TTN: variants seen among roughly 807,000 people sequenced by gnomAD.
TTN encodes connectin.
In TTN, 1,525 loss-of-function variants were observed where a neutral mutation model predicts 3,223.0. The ratio of observed to expected loss-of-function variants is 0.47; its 90% CI spans 0.45 to 0.49. The LOEUF (loss-of-function observed/expected upper bound fraction) is 0.49, where lower values mean the gene tolerates loss of function less well. TTN is among the 20% of genes least tolerant of loss of function. The pLI, the probability that TTN is intolerant of heterozygous loss-of-function variation, is 0.00. For synonymous variants in TTN, 14,094 were observed against 15,161.0 expected (o/e 0.93, Z 5.17); for missense variants, 40,786 against 43,424.0 (o/e 0.94, Z 5.40).
chr2:178,622,065 CT>C, intron 243 of TTN, 57 bp from the exon 244 acceptor site: 1 of 1,489,324 alleles, frequency 6.7e-7, no homozygotes. Context: ...CACAGGTGTC[CT>C]TAAGAAAAAC....
intron 307 of TTN, 136 bp from the exon 308 acceptor site, chr2:178,586,943 A>G: frequency 2.2e-6 from 3 of 1,360,204 alleles, no homozygotes; most frequent in Non-Finnish European, 3.0e-6. Flanking sequence ...AAAGCAAAAC[A>G]TATAAGATGA....
Position 178,589,475 on chromosome 2 carries a change from C to T in TTN, c.62250G>A (p.Gly20750=), listed in dbSNP as rs1202900807. ...EFRVQTKNEG[G]ESDWVKTEEV... is the part of the protein sequence containing the mutation. ...CCTCTGTCTTCACCCAGTCACTTTC[C>T]CCACCTTCATTCTTTGTTTGCACTC... The change falls in exon 304 of 363, where the codon GGG becomes GGA. Residue 20750 remains glycine, a synonymous_variant. Coordinates refer to ENST00000589042, the MANE Select transcript of TTN (RefSeq NM_001267550.2). 1.9e-6 allele frequency: 3 copies of T among 1,613,348 alleles called. No individual in the cohort carries two copies. The highest frequency in any genetic ancestry group is 2.5e-6 in the Non-Finnish European group (3 of 1,179,636).
chr2:178,629,596 C>T (rs1471561023), intron 239 of TTN, among the ~76,000 whole-genome samples, 153 bp from the exon 240 acceptor site: 1 of 152,144 alleles, frequency 6.6e-6, no homozygotes, highest in African/African-American at 2.4e-5. Context: ...GGCCCCACGG[C>T]GCTGAGAAGG....
intron 216 of TTN, 25 bp from the exon 217 acceptor site, chr2:178,646,055 T>A: frequency 1.5e-6 from 2 of 1,365,886 alleles, no homozygotes; most frequent in Non-Finnish European, 1.9e-6. Flanking sequence ...TCAGAGGTGT[T>A]AGTATATGTA....
At position 178,719,965 on chromosome 2, in the gene TTN, C is replaced by A; in HGVS notation, c.23659+18G>T. On this transcript the variant is annotated intron_variant, in intron 81 of 362. Transcript: ENST00000589042. ...TCAAGTAAATTGATTTTTTCTCTGG[C>A]TGTGCTTTGCTACTAACCTAGTACA... 6.4e-7 allele frequency: 1 copy of A among 1,569,060 alleles called. No individual in the cohort carries two copies. The highest frequency in any genetic ancestry group is 1.9e-5 in the Admixed American group (1 of 53,992).
At chr2:178,646,454 A>G in intron 216 of TTN, 31 bp downstream of exon 216, 3 of 1,428,082 alleles carry the variant, frequency 2.1e-6, no homozygotes, top group South Asian at 2.5e-5. Flanking sequence ...AGAATATGAT[A>G]AAGAAGATTT....
Position 178,566,459 on chromosome 2 carries a change from T to G in TTN, c.79673A>C (p.Glu26558Ala). 2.5e-6 allele frequency: 4 copies of G among 1,613,528 alleles called. No individual in the cohort carries two copies. The highest frequency in any genetic ancestry group is 3.4e-6 in the Non-Finnish European group (4 of 1,179,698). ...FEISKLTEHQ[E>A]YKIRVCALNK... ...GAGGGCACAGACTCGTATTTTATAC[T>G]CTTGGTGTTCAGTGAGTTTTGAAAT... The change falls in exon 326 of 363, where the codon GAG becomes GCG. Residue 26558 changes from glutamate (E) to alanine (A), a missense_variant. Physicochemically the swap from Glu to Ala is moderately radical, Grantham distance 107. Transcript: ENST00000589042.
At chr2:178,586,943 A>T in intron 307 of TTN, 136 bp from the exon 308 acceptor site, 1 of 1,360,204 alleles carries the variant, frequency 7.4e-7, no homozygotes, top group Admixed American at 2.3e-5. Flanking sequence ...AAAGCAAAAC[A>T]TATAAGATGA....
chr2:178,715,542 G>A lies in TTN; in HGVS notation c.25872C>T (p.Ala8624=). Residue 8624 remains alanine (A), a synonymous_variant, in exon 89 of 363, where the codon GCC becomes GCT. Transcript: ENST00000589042. ...VEDSGDYTCE[A]HNAAGSASSS... is the part of the protein sequence containing the mutation. ...TGCTGGCACTGCCTGCTGCATTGTG[G>A]GCCTCACAGGTGTAGTCTCCACTGT... 1 of 1,613,326 alleles carries A rather than the reference G, an allele frequency of 6.2e-7. No individual in the cohort carries two copies. The highest frequency in any genetic ancestry group is 8.5e-7 in the Non-Finnish European group (1 of 1,179,552).
chr2:178,680,546 G>A (rs1168398791), intron 138 of TTN, among the ~76,000 whole-genome samples: 1 of 151,960 alleles, frequency 6.6e-6, no homozygotes, highest in Non-Finnish European at 1.5e-5. Flanking sequence ...TAAACATGAA[G>A]TAGCAGAGCC....
chr2:178,613,297 A>G lies in TTN; in HGVS notation c.49533-21T>C, dbSNP rs772912604. 13 of 1,550,350 alleles carry G rather than the reference A, an allele frequency of 8.4e-6. No homozygotes were observed. In the East Asian group the frequency reaches 3.0e-4, roughly 35 times the overall value. ...TCACTCTGAATTAGGAACAAAGTGC[A>G]TGTGTATCATCATGGTAAGAAGCAG... On this transcript the variant is annotated intron_variant, in intron 263 of 362. Coordinates refer to ENST00000589042, the MANE Select transcript of TTN (RefSeq NM_001267550.2).
rs786205314 is a variant in TTN, at chr2:178,723,594, T to A, written c.21506A>T (p.Asn7169Ile). The change falls in exon 74 of 363, where the codon AAC becomes ATC. Residue 7169 changes from asparagine to isoleucine, a missense_variant. Asn to Ile is a moderately radical substitution (Grantham distance 149). Coordinates refer to ENST00000589042, the MANE Select transcript of TTN (RefSeq NM_001267550.2). ...TAGTTCTCTGGCACCTCTGAACCAG[T>A]TGACTTTGAATGGAGGGGTTCCTCT... ...VIRGTPPFKVNWFRGARELVK... is the reference protein window; with the variant it reads ...VIRGTPPFKVIWFRGARELVK... 1 of 1,613,162 alleles carries A rather than the reference T, an allele frequency of 6.2e-7. No individual in the cohort carries two copies. The highest frequency in any genetic ancestry group is 8.5e-7 in the Non-Finnish European group (1 of 1,179,558).
chr2:178,545,626 C>T lies in TTN; in HGVS notation c.95484G>A (p.Trp31828Ter). ...GTGKEHIIIQ[W>*]TKPESDGGNE... ...TGCCACCATCAGATTCAGGTTTTGTCCACTGAATGATGATATGCTCTTTGC... is the reference window on the plus strand; with the variant it reads ...TGCCACCATCAGATTCAGGTTTTGTTCACTGAATGATGATATGCTCTTTGC... The change falls in exon 344 of 363, where the codon TGG becomes TGA. Residue 31828 changes from tryptophan (W) to a stop codon, truncating the protein, a stop_gained. Transcript: ENST00000589042. LOFTEE classifies it high-confidence loss of function. 1 of 1,613,736 alleles carries T rather than the reference C, an allele frequency of 6.2e-7. No individual in the cohort carries two copies. Among genetic ancestry groups the T allele is most frequent in the Non-Finnish European group, 8.5e-7 (1 of 1,179,716 alleles).
Position 178,579,308 on chromosome 2 carries a change from T to C in TTN, c.67722A>G (p.Ile22574Met). ...AGACTGATGGAGCTGGCTTGCCTTT[T>C]ATGGGGATCTTAAGCCGGAAGTTGC... Reference protein sequence around the residue: ...ENSNFRLKIPIKGKPAPSVSW... With the variant: ...ENSNFRLKIPMKGKPAPSVSW... The change falls in exon 320 of 363, where the codon ATA becomes ATG. Residue 22574 changes from isoleucine to methionine, a missense_variant. Physicochemically the swap from Ile to Met is conservative, Grantham distance 10 (BLOSUM62 1). Transcript: ENST00000589042. 1 of 1,611,036 alleles carries C rather than the reference T, an allele frequency of 6.2e-7. No individual in the cohort carries two copies. Among genetic ancestry groups the C allele is most frequent in the Non-Finnish European group, 8.5e-7 (1 of 1,178,080 alleles).
rs189626540 is a variant in TTN, at chr2:178,536,350, C to A, written c.100397G>T (p.Arg33466Leu). 7 of 1,613,610 alleles carry A rather than the reference C, an allele frequency of 4.3e-6. No individual in the cohort carries two copies. The highest frequency in any genetic ancestry group is 1.7e-5 in the Admixed American group (1 of 59,986). ...NLIEGLEYEF[R>L]VKCENLGGES... is the part of the protein sequence containing the mutation. ...CCCACCTAGATTTTCACATTTCACA[C>A]GAAACTCGTATTCAAGACCTTCAAT... The change falls in exon 357 of 363, where the codon CGT becomes CTT. Residue 33466 changes from arginine to leucine, a missense_variant. Physicochemically the swap from Arg to Leu is moderately radical, Grantham distance 102. Coordinates refer to ENST00000589042, the MANE Select transcript of TTN (RefSeq NM_001267550.2).
At chr2:178,757,229 A>ACTGTACTTGCTTTAAGTACAGTGAGT (rs1398848581) in intron 45 of TTN, among the ~76,000 whole-genome samples, 1 of 149,626 alleles carries the variant, frequency 6.7e-6, no homozygotes, top group African/African-American at 2.4e-5. Flanking sequence ...AGTAAGTAAT[A>ACTGTACTTGCTTTAAGTACAGTGAGT]ATCAGCAAAT....
At position 178,578,683 on chromosome 2, in the gene TTN, C is replaced by G; in HGVS notation, c.68257G>C (p.Val22753Leu). Residue 22753 changes from valine (V) to leucine (L), a missense_variant, in exon 321 of 363, where the codon GTG becomes CTG. Physicochemically the swap from Val to Leu is conservative, Grantham distance 32. Transcript: ENST00000589042. ...VPDAPPPPNI[V>L]DVRHDSVSLT... Reference sequence around the variant, plus strand: ...GATACTGAATCGTGTCTGACATCCACAATATTGGGAGGTGGGGGAGCATCA... The same window carrying G: ...GATACTGAATCGTGTCTGACATCCAGAATATTGGGAGGTGGGGGAGCATCA... 6.2e-7 allele frequency: 1 copy of G among 1,611,632 alleles called. No homozygotes were observed. The highest frequency in any genetic ancestry group is 1.1e-5 in the South Asian group (1 of 90,550).
In TTN at chr2:178,587,116, A is replaced by G; in HGVS notation, c.64093+2T>C. Reference sequence around the variant, plus strand: ...AAAGGAGGAAGAAAGCATAATACTTACTTAGAGGATCTGATGCAAGCACTG... The same window carrying G: ...AAAGGAGGAAGAAAGCATAATACTTGCTTAGAGGATCTGATGCAAGCACTG... On this transcript the variant is annotated splice_donor_variant, in intron 307 of 362. Coordinates refer to ENST00000589042, the MANE Select transcript of TTN (RefSeq NM_001267550.2). LOFTEE classifies it high-confidence loss of function. 1.2e-6 allele frequency: 2 copies of G among 1,613,142 alleles called. No individual in the cohort carries two copies. Among genetic ancestry groups the G allele is most frequent in the South Asian group, 1.1e-5 (1 of 91,050 alleles).
Position 178,620,023 on chromosome 2 carries a change from T to C in TTN, c.46394A>G (p.Glu15465Gly), listed in dbSNP as rs773523242. 6.2e-7 allele frequency: 1 copy of C among 1,611,876 alleles called. No homozygotes were observed. Among genetic ancestry groups the C allele is most frequent in the South Asian group, 1.1e-5 (1 of 90,958 alleles). ...DDECEYACGV[E>G]DRKSRARLFV... ...AAGTCTAGCACGAGACTTCCTGTCT[T>C]CTACCCCGCAAGCATATTCACACTC... Residue 15465 changes from glutamate to glycine, a missense_variant, in exon 249 of 363, where the codon GAA becomes GGA. Glu to Gly is a moderately conservative substitution (Grantham distance 98). Transcript: ENST00000589042.
Sources: gnomAD v4.1 joint callset for allele counts (sites outside exome capture counted in the v4.1 genomes callset) on GRCh38, gnomAD v4.1.1 for gene constraint, MANE v1.5 for transcripts, NCBI Gene and HGNC (gene_info 2026-07-23, HGNC 2026-07-21) for gene names.